The following LSAMP variants were observed in gnomAD, a reference collection of about 807,000 sequenced individuals.
LSAMP encodes the protein limbic system associated membrane protein.
In LSAMP, 7 loss-of-function variants were observed where a neutral mutation model predicts 38.6. The observed-to-expected ratio is 0.18, with a 90% CI of 0.10 to 0.34. The LOEUF is 0.34. Among genes scored for constraint, LSAMP ranks in the 10% least tolerant of loss-of-function variants. LSAMP has a pLI of 1.00. For missense variants in LSAMP, 313 were observed against 420.0 expected (o/e 0.75, Z 2.23); for synonymous variants, 154 against 166.8 (o/e 0.92, Z 0.59).
At chr3:115,853,585 GGAA>G (rs1222259275) in intron 3 of LSAMP, among the ~76,000 whole-genome samples, 1 of 152,120 alleles carries the variant, frequency 6.6e-6, no homozygotes, top group African/African-American at 2.4e-5. Context: ...AGAGAAATAA[GGAA>G]GAAGTAGAGA....
At chr3:115,892,746 T>C (rs150500716) in intron 3 of LSAMP, among the ~76,000 whole-genome samples, 3 of 151,506 alleles carry the variant, frequency 2.0e-5, no homozygotes, top group South Asian at 2.1e-4. Flanking sequence ...AGGATATAGC[T>C]ATCATCAAAA....
At position 116,273,705 on chromosome 3, in the gene LSAMP, T is replaced by C. The variant is rs200552261; in HGVS notation, c.155+171172A>G. Among the ~76,000 whole-genome samples, 58 of 113,598 alleles carry C rather than the reference T, an allele frequency of 5.1e-4. 2 individuals are homozygous for C. In the South Asian group the frequency reaches 6.4e-3, roughly 13 times the overall value. The allele number at this position is 113,598 out of a possible 152,430, so 74.5% of individuals were successfully genotyped here. A position where few individuals can be genotyped will look rare whatever the true frequency, so the allele number is the denominator to read the frequency against. On this transcript the variant is annotated intron_variant, in intron 1 of 6. Transcript: ENST00000490035. The stretch of plus-strand genomic sequence containing the variant: ...AGGCATATATATATATATATATATA[T>C]ATACACACACACACACACGTATATA...
At chr3:116,172,133 C>T (rs993919105) in intron 1 of LSAMP, among the ~76,000 whole-genome samples, 1 of 151,662 alleles carries the variant, frequency 6.6e-6, no homozygotes, top group Non-Finnish European at 1.5e-5. Context: ...TAATAAATAT[C>T]AATTGAGCTT....
At chr3:115,877,584 T>G (rs1303036126) in intron 3 of LSAMP, among the ~76,000 whole-genome samples, 15 of 139,870 alleles carry the variant, frequency 1.1e-4, no homozygotes, top group Admixed American at 1.1e-3. Context: ...GGGCCCAGAG[T>G]GTAGTATTTT....
chr3:116,352,355 C>A (rs1372675548), intron 1 of LSAMP, among the ~76,000 whole-genome samples: 1 of 152,050 alleles, frequency 6.6e-6, no homozygotes, highest in Admixed American at 6.6e-5. Flanking sequence ...AGCATGGGAT[C>A]TTGCCATTCA....
At chr3:116,033,634 C>G (rs1047050171) in intron 2 of LSAMP, among the ~76,000 whole-genome samples, 2 of 152,074 alleles carry the variant, frequency 1.3e-5, no homozygotes, top group East Asian at 3.9e-4. Context: ...AGCACTCTAG[C>G]GAATGATTTC....
intron 3 of LSAMP, among the ~76,000 whole-genome samples, chr3:115,940,608 A>G (rs1399501857): frequency 6.6e-6 from 1 of 152,108 alleles, no homozygotes. Flanking sequence ...CAAGGGTCCA[A>G]TTTCATTCTT....
At chr3:116,281,849 G>T (rs1245623733) in intron 1 of LSAMP, among the ~76,000 whole-genome samples, 1 of 152,082 alleles carries the variant, frequency 6.6e-6, no homozygotes, top group African/African-American at 2.4e-5. Context: ...ACATATTTTA[G>T]TACTAACCAA....
chr3:116,258,043 G>A (rs2046773925), intron 1 of LSAMP, among the ~76,000 whole-genome samples: 1 of 152,048 alleles, frequency 6.6e-6, no homozygotes, highest in African/African-American at 2.4e-5. Flanking sequence ...AATTAAAACT[G>A]ATCCTCATTG....
At chr3:116,032,292 A>G (rs77642914) in intron 2 of LSAMP, among the ~76,000 whole-genome samples, 2,735 of 152,280 alleles carry the variant, frequency 0.018, 92 homozygotes, top group African/African-American at 0.062. Flanking sequence ...GCACTGGTAT[A>G]TGCCTTGCCA....
At chr3:116,400,016 T>A (rs1017232903) in intron 1 of LSAMP, among the ~76,000 whole-genome samples, 3 of 152,166 alleles carry the variant, frequency 2.0e-5, no homozygotes, top group Admixed American at 6.6e-5. Flanking sequence ...GGTATAAATA[T>A]TTTTGTCTAT....
intron 1 of LSAMP, among the ~76,000 whole-genome samples, chr3:116,125,330 C>T (rs1038895592): frequency 2.0e-5 from 3 of 151,836 alleles, no homozygotes; most frequent in Admixed American, 1.3e-4. Context: ...TACTTCTTTC[C>T]CTTGCATAGT....
At chr3:116,068,766 G>C (rs1707524157) in intron 2 of LSAMP, among the ~76,000 whole-genome samples, 1 of 152,178 alleles carries the variant, frequency 6.6e-6, no homozygotes, top group South Asian at 2.1e-4. Context: ...TAGAAAATAA[G>C]ATATTCATTC....
At chr3:116,039,904 C>CT (rs34491306) in intron 2 of LSAMP, among the ~76,000 whole-genome samples, 1 of 152,154 alleles carries the variant, frequency 6.6e-6, no homozygotes, top group African/African-American at 2.4e-5. Context: ...CAAAGTCCTC[C>CT]TTTTTGCCCT....
chr3:116,284,818 G>A (rs750276169), intron 1 of LSAMP, among the ~76,000 whole-genome samples: 20 of 151,956 alleles, frequency 1.3e-4, no homozygotes, highest in Non-Finnish European at 1.8e-4. Flanking sequence ...ATTCAACTAC[G>A]TGATTTCTAA....
chr3:115,946,112 G>C (rs550245809), intron 3 of LSAMP, among the ~76,000 whole-genome samples: 1 of 152,158 alleles, frequency 6.6e-6, no homozygotes, highest in African/African-American at 2.4e-5. Flanking sequence ...CAAAGTAATT[G>C]GTATTACATT....
intron 3 of LSAMP, among the ~76,000 whole-genome samples, chr3:115,932,020 T>A (rs372170905): frequency 6.6e-6 from 1 of 152,158 alleles, no homozygotes; most frequent in Non-Finnish European, 1.5e-5. Flanking sequence ...CAGTTTACAG[T>A]GTAATTGTTG....
At chr3:116,396,539 C>T (rs983580272) in intron 1 of LSAMP, among the ~76,000 whole-genome samples, 2 of 152,206 alleles carry the variant, frequency 1.3e-5, no homozygotes, top group Non-Finnish European at 2.9e-5. Flanking sequence ...TACTGCTTTT[C>T]ATTGCTTAAT....
chr3:116,321,306 G>A (rs765846068), intron 1 of LSAMP, among the ~76,000 whole-genome samples: 1 of 152,090 alleles, frequency 6.6e-6, no homozygotes, highest in Admixed American at 6.6e-5. Flanking sequence ...CCAGGAAGTT[G>A]AGGCTTCAGT....
Sources: gnomAD v4.1 joint callset for allele counts (sites outside exome capture counted in the v4.1 genomes callset) on GRCh38, gnomAD v4.1.1 for gene constraint, MANE v1.5 for transcripts, NCBI Gene and HGNC (gene_info 2026-07-23, HGNC 2026-07-21) for gene names.